Variants in DPP6 observed in about 807,000 individuals in gnomAD.
The protein encoded by DPP6 is dipeptidyl peptidase like 6.
Under a neutral mutation model 122.6 loss-of-function variants are expected in DPP6, and 69 were observed. The observed-to-expected ratio is 0.56, with a 90% CI of 0.46 to 0.69. The LOEUF is 0.69. Ranked by LOEUF, DPP6 falls within the 30% of genes least tolerant of loss-of-function variation. The probability of loss-of-function intolerance (pLI) is 0.00; values close to 1 mark genes in which losing one functional copy is unlikely to be tolerated. For synonymous variants in DPP6, 418 were observed against 433.1 expected, an observed-to-expected ratio of 0.97 and a Z score of 0.43; for missense variants, 928 against 1,116.9, an observed-to-expected ratio of 0.83 and a Z score of 2.41.
chr7:153,864,583 G>A, the DPP6 span, among the ~76,000 whole-genome samples: 2 of 151,820 alleles, frequency 1.3e-5, no homozygotes, highest in Admixed American at 1.3e-4. Flanking sequence ...CTTGAACCCA[G>A]GAGGCAGAAG....
At chr7:154,314,857 G>A (rs1455137300) in intron 1 of DPP6, among the ~76,000 whole-genome samples, 1 of 152,138 alleles carries the variant, frequency 6.6e-6, no homozygotes, top group Non-Finnish European at 1.5e-5. Context: ...AGGAAATAAA[G>A]GAATTAGATA....
At chr7:154,117,231 A>G (rs113278832) in intron 1 of DPP6, among the ~76,000 whole-genome samples, 7,208 of 152,076 alleles carry the variant, frequency 0.047, 499 homozygotes, top group African/African-American at 0.16. Flanking sequence ...AAGGATGGTT[A>G]CAAATTAGTA....
chr7:153,933,533 A>G (rs1801274279), intron 1 of DPP6, among the ~76,000 whole-genome samples: 1 of 152,236 alleles, frequency 6.6e-6, no homozygotes, highest in African/African-American at 2.4e-5. Flanking sequence ...ATGCTTCACT[A>G]TCTGGCGTTG....
At chr7:154,129,887 G>A (rs1337189011) in intron 1 of DPP6, among the ~76,000 whole-genome samples, 18 of 149,490 alleles carry the variant, frequency 1.2e-4, no homozygotes, top group African/African-American at 4.0e-4. Flanking sequence ...GTGACAGAGC[G>A]AGACTCTGTC....
intron 2 of DPP6, among the ~76,000 whole-genome samples, chr7:154,449,681 ACCCAAATATCTATTT>A (rs1389025749): frequency 6.6e-6 from 1 of 152,170 alleles, no homozygotes; most frequent in Non-Finnish European, 1.5e-5. Context: ...AGTGAAAACA[ACCCAAATATCTATTT>A]CCCAGAGAAT....
At chr7:153,871,416 G>A in the DPP6 span, among the ~76,000 whole-genome samples, 5 of 152,204 alleles carry the variant, frequency 3.3e-5, no homozygotes, top group Admixed American at 2.6e-4. Flanking sequence ...TGCTAGTAAT[G>A]AGCGAGGCTC....
intron 8 of DPP6, among the ~76,000 whole-genome samples, chr7:154,767,070 G>A (rs1433233441): frequency 1.3e-5 from 2 of 152,110 alleles, no homozygotes; most frequent in African/African-American, 2.4e-5. Context: ...GGGTTTTGTT[G>A]TTATTGTTGT....
intron 18 of DPP6, 57 bp from the exon 19 acceptor site, chr7:154,872,567 C>G: frequency 1.3e-6 from 2 of 1,552,208 alleles, no homozygotes; most frequent in South Asian, 2.4e-5. Flanking sequence ...AGGGCATGCC[C>G]GATACCCCGT....
In DPP6 at chr7:154,052,693, C is replaced by CT; in HGVS notation, c.-127dup. ...CGCCGGCGCTGGGCTTGCCTTGCTG[C>CT]TGCTGCTGCTGCTGCCTCCCCACCG... On this transcript the variant is annotated 5_prime_UTR_variant, in exon 1 of 26. Coordinates refer to ENST00000377770, the MANE Select transcript of DPP6 (RefSeq NM_130797.4). This position sits in a 1 kb window ranked among gnomAD's most constrained non-coding sequence, Gnocchi z 4.8. 8.6e-7 allele frequency: 1 copy of CT among 1,158,018 alleles called. No individual in the cohort carries two copies. The highest frequency in any genetic ancestry group is 1.1e-6 in the Non-Finnish European group (1 of 916,464). 71.7% of individuals were successfully genotyped at this position (1,158,018 alleles called of 1,614,324 possible).
At chr7:154,252,479 A>G (rs546542856) in intron 1 of DPP6, among the ~76,000 whole-genome samples, 11 of 152,188 alleles carry the variant, frequency 7.2e-5, no homozygotes, top group Non-Finnish European at 1.2e-4. Flanking sequence ...TAAATTCTCT[A>G]TAGATAATGT....
chr7:154,783,775 T>G (rs2150407898), intron 10 of DPP6, among the ~76,000 whole-genome samples: 1 of 152,170 alleles, frequency 6.6e-6, no homozygotes, highest in East Asian at 1.9e-4. Context: ...AGCACTTCCT[T>G]CTCCTTGCTC....
intron 1 of DPP6, among the ~76,000 whole-genome samples, chr7:154,242,727 A>G (rs1343559447): frequency 6.6e-6 from 1 of 152,160 alleles, no homozygotes; most frequent in East Asian, 1.9e-4. Context: ...GAAGCAGCTG[A>G]GATTTGGGGA....
At chr7:153,774,641 G>T in the DPP6 span, among the ~76,000 whole-genome samples, 1 of 152,050 alleles carries the variant, frequency 6.6e-6, no homozygotes, top group Non-Finnish European at 1.5e-5. Flanking sequence ...AGGAACAGAG[G>T]GTTTTACTTG....
At chr7:154,310,834 C>A (rs977454673) in intron 1 of DPP6, among the ~76,000 whole-genome samples, 1 of 152,156 alleles carries the variant, frequency 6.6e-6, no homozygotes, top group African/African-American at 2.4e-5. Flanking sequence ...CGGTCACCGT[C>A]TCTGCCTCAT....
chr7:154,892,829 C>A lies in DPP6; in HGVS notation c.*349C>A, dbSNP rs1437703804. 1 of 553,196 alleles carries A rather than the reference C, an allele frequency of 1.8e-6. No individual in the cohort carries two copies. The highest frequency in any genetic ancestry group is 3.5e-6 in the Non-Finnish European group (1 of 282,920). 34.3% of individuals were successfully genotyped at this position (553,196 alleles called of 1,614,324 possible). A position where few individuals can be genotyped will look rare whatever the true frequency, so the allele number is the denominator to read the frequency against. On this transcript the variant is annotated 3_prime_UTR_variant, in exon 26 of 26. Transcript: ENST00000377770. ...CAGGACACCGGCCCCTAGATTCCAG[C>A]CACCAAGCGGAAGCATGAGACCCGC...
intron 1 of DPP6, among the ~76,000 whole-genome samples, chr7:154,220,128 C>T (rs941754754): frequency 6.6e-6 from 1 of 152,302 alleles, no homozygotes; most frequent in South Asian, 2.1e-4. Flanking sequence ...CCTATGTTGG[C>T]ACTTAAACCC....
intron 5 of DPP6, among the ~76,000 whole-genome samples, chr7:154,627,000 C>CTTTTTTTTTTTTTTTTTTTTTTTT (rs552919287): frequency 1.9e-5 from 1 of 52,094 alleles, no homozygotes. Context: ...GAAATTTTTT[C>CTTTTTTTTTTTTTTTTTTTTTTTT]TTTTTTTTTT....
rs532103606 is a variant in DPP6 at position 154,517,847 on chromosome 7, T to A, written c.458-22685T>A. Among the ~76,000 whole-genome samples the A allele has an allele frequency of 4.6e-5, 7 of 152,088 alleles. No individual in the cohort carries two copies. The East Asian group carries it at 1.4e-3, about 29-fold the overall frequency. ...TTAAGAAATCCATTTCCTAATGGAG[T>A]AAACAGATATCGCACTGCAAGTTAC... is the stretch of plus-strand genomic sequence containing the variant. On this transcript the variant is annotated intron_variant, in intron 3 of 25. Coordinates refer to ENST00000377770, the MANE Select transcript of DPP6 (RefSeq NM_130797.4).
intron 1 of DPP6, among the ~76,000 whole-genome samples, chr7:154,236,162 A>G (rs371372236): frequency 3.0e-4 from 46 of 152,314 alleles, no homozygotes; most frequent in East Asian, 2.5e-3. Context: ...CAGTTTTATT[A>G]TCTTTAAAAT....
Sources: allele counts gnomAD v4.1 joint callset (sites outside exome capture counted in the v4.1 genomes callset), GRCh38; gene constraint gnomAD v4.1.1; non-coding constraint Gnocchi (gnomAD v3.1); transcripts MANE v1.5; gene names NCBI Gene and HGNC (gene_info 2026-07-23, HGNC 2026-07-21).